Variants in ASPH observed in about 807,000 individuals in gnomAD.
ASPH encodes the protein aspartate beta-hydroxylase, also known as aspartyl/asparaginyl beta-hydroxylase.
Under a neutral mutation model 118.4 loss-of-function variants are expected in ASPH, and 100 were observed. That is an observed-to-expected ratio of 0.84 (90% CI 0.72 to 1.00). ASPH has a LOEUF of 1.00. Ranked by LOEUF, ASPH falls within the 50% of genes least tolerant of loss-of-function variation. The probability of loss-of-function intolerance (pLI) is 0.00; values close to 1 mark genes in which losing one functional copy is unlikely to be tolerated. For synonymous variants in ASPH, 315 were observed against 325.6 expected, an observed-to-expected ratio of 0.97 and a Z score of 0.35; for missense variants, 920 against 919.5, an observed-to-expected ratio of 1.00 and a Z score of -0.01.
chr8:61,627,915 A>C (rs956007799), intron 13 of ASPH, among the ~76,000 whole-genome samples: 1 of 152,128 alleles, frequency 6.6e-6, no homozygotes, highest in Admixed American at 6.6e-5. Flanking sequence ...CAAGCCAGAA[A>C]TGTAGGAACG....
chr8:61,606,800 G>A (rs2133737132), intron 14 of ASPH: 1 of 154,158 alleles, frequency 6.5e-6, no homozygotes, highest in East Asian at 1.9e-4. Flanking sequence ...TGTATAGAGA[G>A]CATAGCCCAT....
At chr8:61,547,109 A>C (rs1432092517) in intron 21 of ASPH, among the ~76,000 whole-genome samples, 1 of 152,198 alleles carries the variant, frequency 6.6e-6, no homozygotes, top group African/African-American at 2.4e-5. Flanking sequence ...TGGAACTATG[A>C]GTTAATTAAC....
intron 14 of ASPH, among the ~76,000 whole-genome samples, chr8:61,615,993 T>A (rs1167131571): frequency 6.6e-6 from 1 of 152,252 alleles, no homozygotes; most frequent in East Asian, 1.9e-4. Context: ...TTTGCTCCAA[T>A]AGATTTTTAA....
At chr8:61,624,720 T>A in intron 13 of ASPH, 2 of 985,636 alleles carry the variant, frequency 2.0e-6, no homozygotes, top group Non-Finnish European at 2.4e-6. Flanking sequence ...ACGTCCAGAG[T>A]TCTACAAAAA....
At chr8:61,524,697 C>G (rs1459297167) in intron 22 of ASPH, among the ~76,000 whole-genome samples, 3 of 151,898 alleles carry the variant, frequency 2.0e-5, no homozygotes, top group African/African-American at 7.3e-5. Flanking sequence ...TATTTTCTTT[C>G]TTGCTTAATG....
intron 1 of ASPH, among the ~76,000 whole-genome samples, chr8:61,688,920 A>G (rs1831650893): frequency 6.6e-6 from 1 of 152,196 alleles, no homozygotes; most frequent in African/African-American, 2.4e-5. Flanking sequence ...TAATATTCAC[A>G]TAGTACATGC....
chr8:61,666,251 T>C (rs1486168277), intron 3 of ASPH, among the ~76,000 whole-genome samples: 2 of 152,200 alleles, frequency 1.3e-5, no homozygotes, highest in Admixed American at 6.5e-5. Context: ...TGTTAATTCA[T>C]GTAGAGCAAC....
intron 18 of ASPH, among the ~76,000 whole-genome samples, chr8:61,556,707 GAAC>G (rs1828002930): frequency 1.3e-5 from 2 of 152,292 alleles, no homozygotes; most frequent in Admixed American, 6.5e-5. Flanking sequence ...TGAGAAACCA[GAAC>G]AACAACATTC....
chr8:61,569,114 G>C (rs559922309), intron 16 of ASPH, among the ~76,000 whole-genome samples: 8 of 152,332 alleles, frequency 5.3e-5, no homozygotes, highest in Non-Finnish European at 1.0e-4. Flanking sequence ...TACAGGCACA[G>C]GTAGAGGATG....
At chr8:61,512,186 C>T (rs1386533359) in intron 24 of ASPH, among the ~76,000 whole-genome samples, 1 of 152,038 alleles carries the variant, frequency 6.6e-6, no homozygotes, top group Non-Finnish European at 1.5e-5. Flanking sequence ...GCTGAATGTC[C>T]CCATAAGCCG....
At chr8:61,604,040 G>A (rs954117414) in intron 14 of ASPH, among the ~76,000 whole-genome samples, 1 of 152,216 alleles carries the variant, frequency 6.6e-6, no homozygotes, top group Non-Finnish European at 1.5e-5. Flanking sequence ...ACAGGGACAT[G>A]GATAGTTAGG....
At chr8:61,689,891 G>A in intron 1 of ASPH, 2 of 1,289,016 alleles carry the variant, frequency 1.6e-6, no homozygotes, top group African/African-American at 1.5e-5. Context: ...TATTTTTAGA[G>A]GCTAAATGCT....
rs574821708 is a variant in ASPH, at chr8:61,645,546, C to T, written c.620-914G>A. ...ACTGGAAACCTTGTCCCAAAGAAAT[C>T]ATGACATAAATGATTACTAAAGGCA... On this transcript the variant is annotated intron_variant, in intron 6 of 24. Coordinates refer to ENST00000379454, the MANE Select transcript of ASPH (RefSeq NM_004318.4). Among the ~76,000 whole-genome samples, 6 of 152,276 alleles carry T rather than the reference C, an allele frequency of 3.9e-5. No homozygotes were observed. In the South Asian group the frequency reaches 1.2e-3, roughly 32 times the overall value.
chr8:61,671,116 G>GA (rs922109137), intron 3 of ASPH, among the ~76,000 whole-genome samples: 2 of 152,120 alleles, frequency 1.3e-5, no homozygotes, highest in African/African-American at 4.8e-5. Context: ...ACGTAGAGGG[G>GA]AAAAAATATT....
intron 14 of ASPH, among the ~76,000 whole-genome samples, chr8:61,600,355 A>C (rs575754424): frequency 6.2e-5 from 9 of 146,340 alleles, no homozygotes; most frequent in Non-Finnish European, 8.8e-5. Context: ...CTCTTGTTTA[A>C]CATAGTATTG....
intron 14 of ASPH, among the ~76,000 whole-genome samples, chr8:61,594,193 T>C (rs1213118414): frequency 2.0e-5 from 3 of 152,174 alleles, no homozygotes; most frequent in Non-Finnish European, 4.4e-5. Context: ...AAATCAGAAT[T>C]ATAGTCTCCA....
At chr8:61,549,246 G>A (rs1210405044) in intron 20 of ASPH, among the ~76,000 whole-genome samples, 4 of 152,174 alleles carry the variant, frequency 2.6e-5, no homozygotes, top group African/African-American at 9.7e-5. Context: ...GGAGACTGAA[G>A]GGGGATAGCA....
intron 12 of ASPH, among the ~76,000 whole-genome samples, chr8:61,634,435 T>C (rs62505964): frequency 0.14 from 21,954 of 152,238 alleles, 1,621 homozygotes; most frequent in African/African-American, 0.19. Flanking sequence ...TTTTTAACAG[T>C]ATTTTCTAAA....
At chr8:61,714,244 A>T in intron 1 of ASPH, 25 bp downstream of exon 1, 1 of 1,473,464 alleles carries the variant, frequency 6.8e-7, no homozygotes, top group Non-Finnish European at 9.0e-7. Flanking sequence ...GAGGCCCCAG[A>T]TCCCCGCCCC....
Sources: allele counts gnomAD v4.1 joint callset (sites outside exome capture counted in the v4.1 genomes callset), GRCh38; gene constraint gnomAD v4.1.1; transcripts MANE v1.5; gene names NCBI Gene and HGNC (gene_info 2026-07-23, HGNC 2026-07-21).